TMPRSS6: variants seen among roughly 807,000 people sequenced by gnomAD.
The protein encoded by TMPRSS6 is transmembrane protease serine 6.
Under a neutral mutation model 101.5 loss-of-function variants are expected in TMPRSS6, and 67 were observed. The observed-to-expected ratio is 0.66, with a 90% CI of 0.54 to 0.81. TMPRSS6 has a LOEUF of 0.81. Ranked by LOEUF, TMPRSS6 falls within the 30% of genes least tolerant of loss-of-function variation. The probability of loss-of-function intolerance (pLI) is 0.00; values close to 1 mark genes in which losing one functional copy is unlikely to be tolerated. For synonymous variants in TMPRSS6, 453 were observed against 464.9 expected, an observed-to-expected ratio of 0.97 and a Z score of 0.33; for missense variants, 1,034 against 1,088.7, an observed-to-expected ratio of 0.95 and a Z score of 0.71.
chr22:37,075,864 T>C (rs888227983), intron 10 of TMPRSS6, among the ~76,000 whole-genome samples: 1 of 150,626 alleles, frequency 6.6e-6, no homozygotes. Flanking sequence ...ATCGTGCCAT[T>C]GCACTCCAGC....
chr22:37,095,417 G>A, intron 6 of TMPRSS6, 134 bp downstream of exon 6: 3 of 1,112,964 alleles, frequency 2.7e-6, no homozygotes, highest in Non-Finnish European at 2.6e-6. Context: ...GTCCACCATG[G>A]CATCCCCTGG....
At chr22:37,076,030 GAA>G (rs1156813190) in intron 10 of TMPRSS6, among the ~76,000 whole-genome samples, 2 of 133,824 alleles carry the variant, frequency 1.5e-5, no homozygotes, top group East Asian at 3.9e-4. Flanking sequence ...AAGAGAAAGA[GAA>G]AGAAAGAAAG....
chr22:37,070,919 A>G lies in TMPRSS6; in HGVS notation c.1669T>C (p.Cys557Arg). ...DCRDGSDEEH[C>R]DCGLQGPSSR... ...CCGGCAGCCAGGCAGGGCTCACCACAGTGCTCCTCATCCGAGCCGTCCCTG... is the reference window on the plus strand; with the variant it reads ...CCGGCAGCCAGGCAGGGCTCACCACGGTGCTCCTCATCCGAGCCGTCCCTG... Residue 557 changes from cysteine to arginine, a missense_variant, in exon 14 of 18, where the codon TGT becomes CGT. Coordinates refer to ENST00000676104, the MANE Select transcript of TMPRSS6 (RefSeq NM_001374504.1). The G allele has an allele frequency of 6.2e-7, 1 of 1,612,978 alleles. No individual in the cohort carries two copies. The highest frequency in any genetic ancestry group is 8.5e-7 in the Non-Finnish European group (1 of 1,179,940).
In TMPRSS6 at chr22:37,078,958, A is replaced by AAAGAAAGAAG. The variant is rs1307250237; in HGVS notation, c.1197-3679_1197-3678insCTTCTTTCTT. On this transcript the variant is annotated intron_variant, in intron 10 of 17. Coordinates refer to ENST00000676104, the MANE Select transcript of TMPRSS6 (RefSeq NM_001374504.1). ...GAAGGAGAAGGAGAAGGAGAAAAAG[A>AAAGAAAGAAG]GAAAGAAAGAAAGAAAAAGAAAGAA... Among the ~76,000 whole-genome samples the AAAGAAAGAAG allele has an allele frequency of 1.1e-3, 112 of 100,542 alleles. 1 individual carries two copies. Among genetic ancestry groups the AAAGAAAGAAG allele is most frequent in the African/African-American group, 4.0e-3 (107 of 26,868 alleles). 66.0% of individuals were successfully genotyped at this position (100,542 alleles called of 152,430 possible). A position where few individuals can be genotyped will look rare whatever the true frequency, so the allele number is the denominator to read the frequency against.
chr22:37,091,921 A>T (rs893507394), intron 6 of TMPRSS6, among the ~76,000 whole-genome samples: 4 of 152,102 alleles, frequency 2.6e-5, no homozygotes, highest in Non-Finnish European at 4.4e-5. Context: ...GGCCATGCTG[A>T]CTGCAGTGGG....
intron 9 of TMPRSS6, 137 bp from the exon 10 acceptor site, chr22:37,084,541 A>G: frequency 2.4e-6 from 2 of 821,740 alleles, no homozygotes; most frequent in South Asian, 1.5e-5. Context: ...ACAAACAGGC[A>G]TTGCTGTGAC....
intron 7 of TMPRSS6, among the ~76,000 whole-genome samples, chr22:37,087,150 C>T (rs1928854360): frequency 6.6e-6 from 1 of 152,168 alleles, no homozygotes; most frequent in Non-Finnish European, 1.5e-5. Flanking sequence ...CTGTCTCAGA[C>T]AGGGGTTCCC....
chr22:37,071,512 C>T (rs577822321), intron 13 of TMPRSS6, among the ~76,000 whole-genome samples: 2 of 152,236 alleles, frequency 1.3e-5, no homozygotes, highest in Non-Finnish European at 1.5e-5. Context: ...GGGCCAAACA[C>T]CTACCTCCTC....
In TMPRSS6 at chr22:37,101,367, C is replaced by A. The variant is rs1016699048; in HGVS notation, c.202+1849G>T. 3.3e-5 allele frequency among the ~76,000 whole-genome samples: 5 copies of A among 152,008 alleles called. No individual in the cohort carries two copies. Among genetic ancestry groups the A allele is most frequent in the Admixed American group, 6.5e-5 (1 of 15,276 alleles). Reference sequence around the variant, plus strand: ...CTGGGAGAGCAGGAAAGGGAAAGGACCCAGGAAATATGGTTGGTGGTATTA... The same window carrying A: ...CTGGGAGAGCAGGAAAGGGAAAGGAACCAGGAAATATGGTTGGTGGTATTA... On this transcript the variant is annotated intron_variant, in intron 2 of 17. Transcript: ENST00000676104. The surrounding 1 kb of genome is among the most constrained non-coding windows in gnomAD (Gnocchi z 4.1).
chr22:37,089,231 C>A (rs1390093271), intron 7 of TMPRSS6, among the ~76,000 whole-genome samples: 1 of 152,118 alleles, frequency 6.6e-6, no homozygotes, highest in Non-Finnish European at 1.5e-5. Flanking sequence ...AGGAAGCAGT[C>A]AGGATTTAGG....
At position 37,081,656 on chromosome 22, in the gene TMPRSS6, G is replaced by A. The variant is rs901836196; in HGVS notation, c.1196+2639C>T. 1.4e-4 allele frequency among the ~76,000 whole-genome samples: 21 copies of A among 152,238 alleles called. No individual in the cohort carries two copies. The East Asian group carries it at 1.9e-3, about 14-fold the overall frequency. On this transcript the variant is annotated intron_variant, in intron 10 of 17. Transcript: ENST00000676104. ...AGGGAGGACTGAACAGAGAGAGGGG[G>A]AGCTATGGGGGCACAGGGAGCTGTC...
chr22:37,093,260 C>T (rs559761795), intron 6 of TMPRSS6, among the ~76,000 whole-genome samples: 1 of 152,096 alleles, frequency 6.6e-6, no homozygotes, highest in East Asian at 1.9e-4. Flanking sequence ...CAGATAATTA[C>T]AGAACAACTG....
chr22:37,077,355 C>G (rs1927763469), intron 10 of TMPRSS6, among the ~76,000 whole-genome samples: 1 of 152,240 alleles, frequency 6.6e-6, no homozygotes, highest in African/African-American at 2.4e-5. Flanking sequence ...TGCCCCATGT[C>G]CTCCACACGC....
intron 13 of TMPRSS6, 84 bp from the exon 14 acceptor site, chr22:37,071,116 A>T: frequency 8.0e-7 from 1 of 1,255,962 alleles, no homozygotes; most frequent in Non-Finnish European, 1.1e-6. Flanking sequence ...TGCAGGAACG[A>T]TGGAGCCAGA....
intron 13 of TMPRSS6, 50 bp downstream of exon 13, chr22:37,073,482 C>T (rs778914736): frequency 1.5e-6 from 2 of 1,312,286 alleles, no homozygotes; most frequent in African/African-American, 1.5e-5. Context: ...ATGTAGCAGG[C>T]CTAGACTGCC....
chr22:37,085,265 G>A (rs1478944821), intron 8 of TMPRSS6, among the ~76,000 whole-genome samples: 1 of 152,094 alleles, frequency 6.6e-6, no homozygotes, highest in Non-Finnish European at 1.5e-5. Context: ...GAGGCTGAGG[G>A]GTCCAGGGGT....
intron 6 of TMPRSS6, among the ~76,000 whole-genome samples, chr22:37,090,519 C>A (rs569309301): frequency 2.4e-4 from 36 of 152,094 alleles, no homozygotes; most frequent in African/African-American, 8.5e-4. Flanking sequence ...ATGGTGAAGC[C>A]ATCAGAATAA....
chr22:37,096,698 G>A lies in TMPRSS6; in HGVS notation c.354C>T (p.Thr118=). Residue 118 remains threonine (T), a synonymous_variant, in exon 4 of 18, where the codon ACC becomes ACT. Coordinates refer to ENST00000676104, the MANE Select transcript of TMPRSS6 (RefSeq NM_001374504.1). The stretch of plus-strand genomic sequence containing the variant: ...TGTAGTAAGTTCCCAGGCGGGTGCT[G>A]GTGATGAGCTCCTTGAGCTGTGAGA... ...KAQKMLKELI[T]STRLGTYYNS... 6.4e-7 allele frequency: 1 copy of A among 1,565,344 alleles called. No homozygotes were observed. The highest frequency in any genetic ancestry group is 1.2e-5 in the South Asian group (1 of 84,896).
At chr22:37,085,398 T>C (rs755415474) in intron 8 of TMPRSS6, among the ~76,000 whole-genome samples, 1 of 152,140 alleles carries the variant, frequency 6.6e-6, no homozygotes, top group Non-Finnish European at 1.5e-5. Flanking sequence ...CTGCTACCCA[T>C]TTAGCGCTCC....
Sources: allele counts gnomAD v4.1 joint callset (sites outside exome capture counted in the v4.1 genomes callset), GRCh38; gene constraint gnomAD v4.1.1; non-coding constraint Gnocchi (gnomAD v3.1); transcripts MANE v1.5; gene names NCBI Gene and HGNC (gene_info 2026-07-23, HGNC 2026-07-21).